The following KCTD14 variants were observed in gnomAD, a reference collection of about 807,000 sequenced individuals.
The protein encoded by KCTD14 is BTB/POZ domain-containing protein KCTD14.
In KCTD14, 7 loss-of-function variants were observed where a neutral mutation model predicts 5.9. The ratio of observed to expected loss-of-function variants is 1.19; its 90% CI spans 0.68 to 2.23. The LOEUF is 2.23. Among genes scored for constraint, KCTD14 ranks in the 30% most tolerant of loss-of-function variants. KCTD14 has a pLI of 0.00. For synonymous variants in KCTD14, 140 were observed against 133.1 expected, an observed-to-expected ratio of 1.05 and a Z score of -0.36; for missense variants, 342 against 332.2, an observed-to-expected ratio of 1.03 and a Z score of -0.23.
chr11:78,027,672 C>G (rs1238598421), upstream of KCTD14, among the ~76,000 whole-genome samples: 1 of 151,844 alleles, frequency 6.6e-6, no homozygotes, highest in African/African-American at 2.4e-5. Flanking sequence ...GACCCTGTCT[C>G]TACTCTTAAA....
chr11:78,028,540 T>C (rs1591184440), intron 2 of KCTD14, among the ~76,000 whole-genome samples: 2 of 149,490 alleles, frequency 1.3e-5, no homozygotes, highest in Admixed American at 1.3e-4. Context: ...GAGGCGGAGG[T>C]TGCAGTGAGC....
rs140535954 is a variant in KCTD14 at position 78,033,889 on chromosome 11, A to ATGTGTGTG, written c.-1+4767_-1+4774dup. ...ACAAAGAAAATAATAGTGTGTGTGT[A>ATGTGTGTG]TGTGTGTGTGTGTATATATATATAT... On this transcript the variant is annotated intron_variant, in intron 2 of 2. Coordinates refer to the KCTD14 transcript ENST00000533144. 2.5e-3 allele frequency among the ~76,000 whole-genome samples: 271 copies of ATGTGTGTG among 110,160 alleles called. 10 individuals carry two copies. Among genetic ancestry groups the ATGTGTGTG allele is most frequent in the South Asian group, 1.4e-3 (5 of 3,676 alleles). The allele number at this position is 110,160 out of a possible 152,430, so 72.3% of individuals were successfully genotyped here. A position where few individuals can be genotyped will look rare whatever the true frequency, so the allele number is the denominator to read the frequency against.
At position 78,016,428 on chromosome 11, in the gene KCTD14, A is replaced by G; in HGVS notation, c.*165T>C. On this transcript the variant is annotated 3_prime_UTR_variant, in exon 2 of 2. Transcript: ENST00000353172. ...GGCAAATATAGTGGCATCAGTTGCAATGGAGTGGAAAGTCCTTAAACGAGT... is the reference window on the plus strand; with the variant it reads ...GGCAAATATAGTGGCATCAGTTGCAGTGGAGTGGAAAGTCCTTAAACGAGT... 1 of 625,344 alleles carries G rather than the reference A, an allele frequency of 1.6e-6. No individual in the cohort carries two copies. Among genetic ancestry groups the G allele is most frequent in the Non-Finnish European group, 2.8e-6 (1 of 360,944 alleles). The allele number at this position is 625,344 out of a possible 1,614,324, so 38.7% of individuals were successfully genotyped here. A position where few individuals can be genotyped will look rare whatever the true frequency, so the allele number is the denominator to read the frequency against.
At position 78,017,258 on chromosome 11, in the gene KCTD14, C is replaced by T. The variant is rs1857194390; in HGVS notation, c.103G>A (p.Val35Met). The T allele has an allele frequency of 6.3e-7, 1 of 1,593,490 alleles. No individual in the cohort carries two copies. The highest frequency in any genetic ancestry group is 1.1e-5 in the South Asian group (1 of 89,548). ...AACTCACCCCCGACGTTCAGCTCCACAACAGTAGACATCTGGGGGCACAAG... is the reference window on the plus strand; with the variant it reads ...AACTCACCCCCGACGTTCAGCTCCATAACAGTAGACATCTGGGGGCACAAG... ...RPRRPTMSTVVELNVGGEFHT... is the reference protein window; with the variant it reads ...RPRRPTMSTVMELNVGGEFHT... The change falls in exon 2 of 2, where the codon GTG (valine) becomes ATG (methionine). Residue 35 changes from valine to methionine, a missense_variant. By Grantham distance (21) the Val-to-Met change is conservative. Coordinates refer to ENST00000353172, the MANE Select transcript of KCTD14 (RefSeq NM_023930.4).
At chr11:78,022,303 G>A (rs527915111) in intron 1 of KCTD14, among the ~76,000 whole-genome samples, 1 of 152,114 alleles carries the variant, frequency 6.6e-6, no homozygotes, top group South Asian at 2.1e-4. Context: ...TAAGGGAGGG[G>A]AATATCCTCT....
At chr11:78,024,800 C>T (rs7358299), upstream of KCTD14, among the ~76,000 whole-genome samples, 51,991 of 151,130 alleles carry the variant, frequency 0.34, 9,177 homozygotes, top group South Asian at 0.44. Context: ...AAAAAATTAG[C>T]TGGGCGTGGT....
rs1857181132 is a variant in KCTD14, at chr11:78,016,926, G to A, written c.435C>T (p.Tyr145=). ...RKQFLLQVPG[Y]SENLELMVRL... is the part of the protein sequence containing the mutation. ...GCACCATGAGCTCCAGGTTCTCGCTGTAGCCCGGCACTTGCAGCAAAAACT... is the reference window on the plus strand; with the variant it reads ...GCACCATGAGCTCCAGGTTCTCGCTATAGCCCGGCACTTGCAGCAAAAACT... Residue 145 remains tyrosine (Y), a synonymous_variant, in exon 2 of 2, where the codon TAC becomes TAT. Coordinates refer to ENST00000353172, the MANE Select transcript of KCTD14 (RefSeq NM_023930.4). 14 of 1,614,248 alleles carry A rather than the reference G, an allele frequency of 8.7e-6. No individual in the cohort carries two copies. The highest frequency in any genetic ancestry group is 1.2e-5 in the Non-Finnish European group (14 of 1,180,050).
chr11:78,027,421 G>A (rs115941795), upstream of KCTD14, among the ~76,000 whole-genome samples: 3,298 of 115,874 alleles, frequency 0.028, 118 homozygotes, highest in African/African-American at 0.087. Context: ...GAAGTGCAGC[G>A]GTGCAACCTC....
At chr11:78,023,474 A>G (rs1480189754), upstream of KCTD14, 2 of 523,912 alleles carry the variant, frequency 3.8e-6, no homozygotes, top group Non-Finnish European at 6.7e-6. Context: ...TTAAGGACTG[A>G]CCTTTTGATA....
chr11:78,024,106 C>T (rs1857378541), upstream of KCTD14, among the ~76,000 whole-genome samples: 1 of 152,158 alleles, frequency 6.6e-6, no homozygotes, highest in East Asian at 1.9e-4. Context: ...TTGTTGGGGA[C>T]AGGCATGGTG....
At chr11:78,024,667 TGG>T (rs1324317474), upstream of KCTD14, among the ~76,000 whole-genome samples, 2 of 151,494 alleles carry the variant, frequency 1.3e-5, no homozygotes, top group Non-Finnish European at 2.9e-5. Flanking sequence ...GGAATAGGGT[TGG>T]ACACGGTTGC....
chr11:78,045,820 CA>C (rs1248276055), intron 1 of KCTD14, among the ~76,000 whole-genome samples: 2 of 152,240 alleles, frequency 1.3e-5, no homozygotes, highest in Non-Finnish European at 2.9e-5. Context: ...AAAGTGCTCC[CA>C]AAAGCCCAGA....
At chr11:78,035,353 C>T (rs1255236742) in intron 2 of KCTD14, among the ~76,000 whole-genome samples, 5 of 152,080 alleles carry the variant, frequency 3.3e-5, no homozygotes, top group East Asian at 1.9e-4. Context: ...TATTCCTTCC[C>T]GGGCCCTCTC....
chr11:78,033,807 C>A (rs1857701876), intron 2 of KCTD14, among the ~76,000 whole-genome samples: 1 of 149,638 alleles, frequency 6.7e-6, no homozygotes, highest in Admixed American at 6.7e-5. Context: ...GATCACACCA[C>A]TGCACTACAG....
intron 1 of KCTD14, among the ~76,000 whole-genome samples, chr11:78,042,369 G>A (rs1002566290): frequency 3.3e-5 from 5 of 152,132 alleles, no homozygotes; most frequent in Admixed American, 6.5e-5. Context: ...TTAGCCAGGC[G>A]TGGTGGCGCA....
At chr11:78,041,779 G>A (rs551236883) in intron 1 of KCTD14, among the ~76,000 whole-genome samples, 4 of 152,336 alleles carry the variant, frequency 2.6e-5, no homozygotes, top group South Asian at 4.1e-4. Flanking sequence ...CTGATCCAGC[G>A]AGACTCCCGT....
At chr11:78,022,054 AC>A (rs1196520082) in intron 1 of KCTD14, among the ~76,000 whole-genome samples, 3 of 152,086 alleles carry the variant, frequency 2.0e-5, no homozygotes, top group Non-Finnish European at 4.4e-5. Flanking sequence ...AAAGTCCTAC[AC>A]TACTATACTT....
Position 78,016,564 on chromosome 11 carries a change from G to T in KCTD14, c.*29C>A. ...ACTTTTAATTTCATAAGCCACGCCA[G>T]AATTCATAACAGTCTCTGCTCCTGA... On this transcript the variant is annotated 3_prime_UTR_variant, in exon 2 of 2. Transcript: ENST00000353172. 6.4e-7 allele frequency: 1 copy of T among 1,574,488 alleles called. No homozygotes were observed. Among genetic ancestry groups the T allele is most frequent in the Non-Finnish European group, 8.7e-7 (1 of 1,154,106 alleles).
upstream of KCTD14, among the ~76,000 whole-genome samples, chr11:78,027,732 C>T (rs896545363): frequency 3.9e-5 from 6 of 152,092 alleles, no homozygotes; most frequent in Non-Finnish European, 8.8e-5. Context: ...GGGTTATTAT[C>T]TAAAGACCTG....
Sources: gnomAD v4.1 joint callset for allele counts (sites outside exome capture counted in the v4.1 genomes callset) on GRCh38, gnomAD v4.1.1 for gene constraint, MANE v1.5 for transcripts, NCBI Gene and HGNC (gene_info 2026-07-23, HGNC 2026-07-21) for gene names.